The following EML4 variants were observed in gnomAD, a reference collection of about 807,000 sequenced individuals.
EML4 encodes echinoderm microtubule-associated protein-like 4.
In EML4, 72 loss-of-function variants were observed where a neutral mutation model predicts 129.0. The ratio of observed to expected loss-of-function variants is 0.56; its 90% CI spans 0.46 to 0.68. The LOEUF (loss-of-function observed/expected upper bound fraction) is 0.68, where lower values mean the gene tolerates loss of function less well. EML4 is among the 30% of genes least tolerant of loss of function. The pLI, the probability that EML4 is intolerant of heterozygous loss-of-function variation, is 0.00. For missense variants in EML4, 1,363 were observed against 1,190.6 expected (o/e 1.14, Z -2.13); for synonymous variants, 532 against 405.0 (o/e 1.31, Z -3.77).
intron 1 of EML4, among the ~76,000 whole-genome samples, chr2:42,218,657 G>C (rs943126959): frequency 2.6e-5 from 4 of 152,152 alleles, no homozygotes; most frequent in Non-Finnish European, 4.4e-5. Context: ...AGTTAGTTCA[G>C]TGTCAGCCTT....
intron 1 of EML4, among the ~76,000 whole-genome samples, chr2:42,177,869 G>A (rs768572159): frequency 1.4e-4 from 22 of 152,126 alleles, no homozygotes; most frequent in South Asian, 4.1e-4. Flanking sequence ...TCAGTACTTC[G>A]TGTGATATTG....
In EML4 at chr2:42,181,586, G is replaced by A. The variant is rs141518280; in HGVS notation, c.25+11950G>A. Among the ~76,000 whole-genome samples the A allele has an allele frequency of 6.3e-3, 961 of 152,192 alleles. 14 individuals are homozygous for A. The highest frequency in any genetic ancestry group is 0.022 in the African/African-American group (921 of 41,508). On this transcript the variant is annotated intron_variant, in intron 1 of 22. Transcript: ENST00000318522. ...GCTGGGATTACAGGTGTGAGCCACCGCGCCTGGCCAGGTTTCATATTTTTT... is the reference window on the plus strand; with the variant it reads ...GCTGGGATTACAGGTGTGAGCCACCACGCCTGGCCAGGTTTCATATTTTTT...
intron 4 of EML4, among the ~76,000 whole-genome samples, chr2:42,262,705 T>G (rs1358284679): frequency 6.6e-6 from 1 of 152,202 alleles, no homozygotes; most frequent in Admixed American, 6.5e-5. Context: ...TTGGTAAAAT[T>G]GTCCCTAAAG....
rs923405688 is a variant in EML4 at position 42,264,791 on chromosome 2, T to C, written c.667+60T>C. 9.9e-6 allele frequency: 14 copies of C among 1,420,920 alleles called. No homozygotes were observed. The African/African-American group carries it at 1.0e-4, about 10-fold the overall frequency. The allele number at this position is 1,420,920 out of a possible 1,614,324, so 88.0% of individuals were successfully genotyped here. ...CCCTTCTTAGTTTAATTTTTGCTAA[T>C]TGAAAAGAATATTTTCATCCAGTGC... On this transcript the variant is annotated intron_variant, in intron 6 of 22. Transcript: ENST00000318522.
chr2:42,329,047 T>C lies in EML4; in HGVS notation c.2472+31T>C, dbSNP rs4952720. The C allele has an allele frequency of 0.013, 20,639 of 1,596,690 alleles. 3,843 individuals carry two copies. In the Admixed American group the frequency reaches 0.33, roughly 26 times the overall value. On this transcript the variant is annotated intron_variant, in intron 22 of 22. Coordinates refer to ENST00000318522, the MANE Select transcript of EML4 (RefSeq NM_019063.5). ...CTCACTTTAATAGAAACTAATGTTA[T>C]AAGGCCTTCTGTCCAGGGATGATTT...
chr2:42,325,596 TTATATTTATA>T lies in EML4; in HGVS notation c.2242+48_2242+57del, dbSNP rs1441981698. 3.2e-3 allele frequency: 483 copies of T among 150,892 alleles called. 31 individuals carry two copies. Among genetic ancestry groups the T allele is most frequent in the East Asian group, 7.9e-3 (38 of 4,810 alleles). The allele number at this position is 150,892 out of a possible 1,614,324, so 9.3% of individuals were successfully genotyped here. On this transcript the variant is annotated intron_variant, in intron 20 of 22. Transcript: ENST00000318522. ...TTATATATATATATATATGCTATGA[TTATATTTATA>T]TATATATATATATATATATATATAT...
chr2:42,324,879 A>G (rs1040750769), intron 19 of EML4, among the ~76,000 whole-genome samples: 1 of 152,108 alleles, frequency 6.6e-6, no homozygotes, highest in Non-Finnish European at 1.5e-5. Flanking sequence ...CTGCTTAAGG[A>G]ATGTTTTAAG....
intron 11 of EML4, among the ~76,000 whole-genome samples, chr2:42,291,854 G>C (rs1667663252): frequency 6.6e-6 from 1 of 152,178 alleles, no homozygotes; most frequent in African/African-American, 2.4e-5. Flanking sequence ...ACATAAAACA[G>C]GGTGTCCAGG....
intron 1 of EML4, 92 bp downstream of exon 1, chr2:42,169,728 C>A: frequency 6.9e-7 from 1 of 1,440,924 alleles, no homozygotes; most frequent in Non-Finnish European, 9.4e-7. Context: ...CCCGCCTGCC[C>A]CTCGGGGTGG....
At position 42,295,171 on chromosome 2, in the gene EML4, C is replaced by A. The variant is rs777749257; in HGVS notation, c.1265C>A (p.Ala422Glu). 6.2e-7 allele frequency: 1 copy of A among 1,612,594 alleles called. No homozygotes were observed. The highest frequency in any genetic ancestry group is 8.5e-7 in the Non-Finnish European group (1 of 1,179,580). Residue 422 changes from alanine to glutamate, a missense_variant, in exon 12 of 23, where the codon GCA (alanine) becomes GAA (glutamate). Coordinates refer to ENST00000318522, the MANE Select transcript of EML4 (RefSeq NM_019063.5). ...VLAVEFHPTD[A>E]NTIITCGKSH... ...GCTGTGGAGTTTCACCCAACAGATG[C>A]AAATACCATAATTACATGCGGTAAA...
intron 1 of EML4, among the ~76,000 whole-genome samples, chr2:42,177,236 CA>C (rs1670657359): frequency 6.7e-6 from 1 of 149,230 alleles, no homozygotes; most frequent in Non-Finnish European, 1.5e-5. Flanking sequence ...GACAACTTAA[CA>C]ACCTTCACTT....
At position 42,186,576 on chromosome 2, in the gene EML4, A is replaced by G. The variant is rs561727320; in HGVS notation, c.25+16940A>G. Among the ~76,000 whole-genome samples the G allele has an allele frequency of 7.2e-5, 11 of 152,332 alleles. No homozygotes were observed. The South Asian group carries it at 1.0e-3, about 14-fold the overall frequency. On this transcript the variant is annotated intron_variant, in intron 1 of 22. Transcript: ENST00000318522. The stretch of plus-strand genomic sequence containing the variant: ...CACTGACATTTTGTTTTAACCCTGG[A>G]TAAGGCAGTTAGCTATTTGTGTCAG...
intron 4 of EML4, among the ~76,000 whole-genome samples, chr2:42,262,123 G>A (rs529403388): frequency 2.1e-4 from 32 of 151,980 alleles, no homozygotes; most frequent in Non-Finnish European, 3.5e-4. Context: ...TCCAGAACTG[G>A]CTAGAATTTT....
At chr2:42,226,047 G>A (rs966664957) in intron 1 of EML4, among the ~76,000 whole-genome samples, 4 of 151,982 alleles carry the variant, frequency 2.6e-5, no homozygotes, top group African/African-American at 9.7e-5. Flanking sequence ...CAAAAAATGT[G>A]TTACTCATAC....
chr2:42,179,228 G>A (rs887319892), intron 1 of EML4, among the ~76,000 whole-genome samples: 2 of 150,802 alleles, frequency 1.3e-5, no homozygotes, highest in African/African-American at 4.9e-5. Flanking sequence ...CTCCAGATGG[G>A]GAACATCCTA....
Position 42,326,228 on chromosome 2 carries a change from T to A in EML4, c.2317T>A (p.Cys773Ser). The A allele has an allele frequency of 1.2e-6, 2 of 1,611,594 alleles. No individual in the cohort carries two copies. Among genetic ancestry groups the A allele is most frequent in the Non-Finnish European group, 1.7e-6 (2 of 1,178,608 alleles). Reference protein sequence around the residue: ...CKDIDWTTYTCVLGFQVFGVW... With the variant: ...CKDIDWTTYTSVLGFQVFGVW... The stretch of plus-strand genomic sequence containing the variant: ...GGACATTGATTGGACGACATATACC[T>A]GTGTGCTAGGATTTCAAGTATTTGG... Residue 773 changes from cysteine (C) to serine (S), a missense_variant, in exon 21 of 23, where the codon TGT becomes AGT. Transcript: ENST00000318522.
chr2:42,170,810 A>G (rs1290762164), intron 1 of EML4, among the ~76,000 whole-genome samples: 3 of 152,236 alleles, frequency 2.0e-5, no homozygotes, highest in African/African-American at 7.2e-5. Context: ...TACTTGGTTA[A>G]TGTTCACTGA....
Position 42,221,403 on chromosome 2 carries a change from C to CTTTTT in EML4, c.26-24082_26-24078dup, listed in dbSNP as rs74816568. 3.2e-3 allele frequency among the ~76,000 whole-genome samples: 342 copies of CTTTTT among 108,204 alleles called. 22 individuals carry two copies. Among genetic ancestry groups the CTTTTT allele is most frequent in the African/African-American group, 4.5e-3 (138 of 30,348 alleles). 71.0% of individuals were successfully genotyped at this position (108,204 alleles called of 152,430 possible). On this transcript the variant is annotated intron_variant, in intron 1 of 22. Coordinates refer to ENST00000318522, the MANE Select transcript of EML4 (RefSeq NM_019063.5). ...AGCACATTGTTTACAACATGGTTTA[C>CTTTTT]TTTTTTTTTTTTTTTTTTTTTTTTG... is the stretch of plus-strand genomic sequence containing the variant.
chr2:42,173,786 G>A (rs1177207904), intron 1 of EML4, among the ~76,000 whole-genome samples: 4 of 152,324 alleles, frequency 2.6e-5, no homozygotes, highest in East Asian at 3.9e-4. Context: ...GAAGGTTGCA[G>A]TGAGCTATGA....
Sources: allele counts gnomAD v4.1 joint callset (sites outside exome capture counted in the v4.1 genomes callset), GRCh38; gene constraint gnomAD v4.1.1; transcripts MANE v1.5; gene names NCBI Gene and HGNC (gene_info 2026-07-23, HGNC 2026-07-21).